Variants in MATN2 observed in about 807,000 individuals in gnomAD.
MATN2 encodes the protein matrilin-2.
A neutral mutation model predicts 103.2 loss-of-function variants in MATN2; 69 were observed. The ratio of observed to expected loss-of-function variants is 0.67; its 90% confidence interval spans 0.55 to 0.82. The LOEUF is 0.82. MATN2 is among the 40% of genes least tolerant of loss of function. MATN2 has a pLI of 0.00. For synonymous variants in MATN2, 429 were observed against 450.2 expected (o/e 0.95, Z 0.60); for missense variants, 1,023 against 1,211.5 (o/e 0.84, Z 2.31).
At position 97,907,316 on chromosome 8, in the gene MATN2, T is replaced by G. The variant is rs1350917861; in HGVS notation, c.142+19074T>G. Among the ~76,000 whole-genome samples, 3 of 145,792 alleles carry G rather than the reference T, an allele frequency of 2.1e-5. No individual in the cohort carries two copies. In the East Asian group the frequency reaches 6.0e-4, roughly 29 times the overall value. ...ATGCCCAGTCATCATAGCTCACTTT[T>G]TTTTTTTTTTTTTGAGATGGAGTCT... On this transcript the variant is annotated intron_variant, in intron 2 of 18. Transcript: ENST00000254898.
rs756280812 is a variant in MATN2 at position 97,961,457 on chromosome 8, G to A, written c.885G>A (p.Val295=). The A allele has an allele frequency of 6.2e-7, 1 of 1,613,894 alleles. No individual in the cohort carries two copies. The highest frequency in any genetic ancestry group is 1.1e-5 in the South Asian group (1 of 91,054). ...MEDHNCEQLC[V]NVPGSFVCQC... Reference sequence around the variant, plus strand: ...ACCACAACTGTGAGCAGCTCTGTGTGAATGTGCCGGGCTCCTTCGTCTGCC... The same window carrying A: ...ACCACAACTGTGAGCAGCTCTGTGTAAATGTGCCGGGCTCCTTCGTCTGCC... The change falls in exon 5 of 19, where the codon GTG becomes GTA. Residue 295 remains valine (V), a synonymous_variant. Transcript: ENST00000254898.
intron 2 of MATN2, among the ~76,000 whole-genome samples, chr8:97,923,537 C>CT (rs1809882589): frequency 5.3e-5 from 1 of 18,694 alleles, no homozygotes; most frequent in Non-Finnish European, 1.4e-4. Context: ...CCACTCACTT[C>CT]TCTCTCTCTC....
Position 97,961,539 on chromosome 8 carries a change from C to T in MATN2, c.958+9C>T. 3.7e-6 allele frequency: 6 copies of T among 1,607,336 alleles called. No individual in the cohort carries two copies. Among genetic ancestry groups the T allele is most frequent in the Non-Finnish European group, 5.1e-6 (6 of 1,176,156 alleles). On this transcript the variant is annotated intron_variant, in intron 5 of 18. Transcript: ENST00000254898. ...TGGGAAGAGGTGTGTGGGTGAGTATCCCTCCAGCTGGGCTTGGTAGGGAAG... is the reference window on the plus strand; with the variant it reads ...TGGGAAGAGGTGTGTGGGTGAGTATTCCTCCAGCTGGGCTTGGTAGGGAAG...
At chr8:97,957,721 G>T (rs896695172) in intron 4 of MATN2, among the ~76,000 whole-genome samples, 8 of 152,214 alleles carry the variant, frequency 5.3e-5, no homozygotes, top group African/African-American at 1.7e-4. Flanking sequence ...TAAAGGGGGA[G>T]ACTGACTCCT....
At chr8:97,965,413 T>C (rs556916870) in intron 5 of MATN2, among the ~76,000 whole-genome samples, 1 of 152,184 alleles carries the variant, frequency 6.6e-6, no homozygotes, top group South Asian at 2.1e-4. Context: ...AGATAGGAGA[T>C]TGTAGCAGTT....
At chr8:97,951,419 A>AG (rs1478581338) in intron 4 of MATN2, among the ~76,000 whole-genome samples, 1 of 152,180 alleles carries the variant, frequency 6.6e-6, no homozygotes, top group Non-Finnish European at 1.5e-5. Context: ...ATGAGGACCC[A>AG]GGCAAGTGGT....
At chr8:97,927,126 GTTTTGTTTTTGTTTTTGT>G (rs10565947) in intron 2 of MATN2, among the ~76,000 whole-genome samples, 1 of 150,594 alleles carries the variant, frequency 6.6e-6, no homozygotes, top group East Asian at 2.0e-4. Context: ...GTTCTGTTTT[GTTTTGTTTTTGTTTTTGT>G]TTTTGTTTTT....
Position 98,021,277 on chromosome 8 carries a change from G to T in MATN2, c.1892G>T (p.Cys631Phe). The T allele has an allele frequency of 6.2e-7, 1 of 1,613,664 alleles. No homozygotes were observed. Among genetic ancestry groups the T allele is most frequent in the Non-Finnish European group, 8.5e-7 (1 of 1,179,640 alleles). The change falls in exon 13 of 19, where the codon TGC becomes TTC. Residue 631 changes from cysteine to phenylalanine, a missense_variant. By Grantham distance (205) the Cys-to-Phe change is radical. Coordinates refer to ENST00000254898, the MANE Select transcript of MATN2 (RefSeq NM_002380.5). ...GTTAATAATGGGAATTCCTACATCTGCAAATGCTCAGAGGGATTTGTTCTA... is the reference window on the plus strand; with the variant it reads ...GTTAATAATGGGAATTCCTACATCTTCAAATGCTCAGAGGGATTTGTTCTA... ...ICVNNGNSYI[C>F]KCSEGFVLAE...
chr8:98,026,012 T>C (rs1813786135), intron 13 of MATN2, among the ~76,000 whole-genome samples: 1 of 151,350 alleles, frequency 6.6e-6, no homozygotes, highest in Admixed American at 6.6e-5. Flanking sequence ...ACCCCGTCTC[T>C]ACTAAAAATA....
intron 2 of MATN2, among the ~76,000 whole-genome samples, chr8:97,907,093 T>C (rs1482247353): frequency 2.0e-5 from 3 of 147,468 alleles, no homozygotes; most frequent in Non-Finnish European, 4.5e-5. Context: ...CTCCATCTCC[T>C]GGGTTCAAGT....
intron 1 of MATN2, among the ~76,000 whole-genome samples, chr8:97,880,064 G>C (rs1044049130): frequency 6.8e-6 from 1 of 147,314 alleles, no homozygotes; most frequent in Non-Finnish European, 1.5e-5. Flanking sequence ...GGAATTTATC[G>C]TTAGAAAAAT....
chr8:97,897,682 G>A (rs948470441), intron 2 of MATN2, among the ~76,000 whole-genome samples: 4 of 152,036 alleles, frequency 2.6e-5, no homozygotes, highest in African/African-American at 4.8e-5. Context: ...AGTGCATCAC[G>A]GGCAGTACAA....
intron 2 of MATN2, among the ~76,000 whole-genome samples, chr8:97,893,721 T>C (rs1301997978): frequency 6.6e-6 from 1 of 152,046 alleles, no homozygotes; most frequent in African/African-American, 2.4e-5. Flanking sequence ...GGATTACAGG[T>C]GCCTGCCACC....
intron 10 of MATN2, among the ~76,000 whole-genome samples, chr8:98,013,578 G>A (rs948983017): frequency 3.9e-5 from 6 of 152,144 alleles, no homozygotes; most frequent in Admixed American, 1.3e-4. Context: ...TCATCTATGG[G>A]GCTAGGAAAA....
chr8:98,024,271 G>A lies in MATN2; in HGVS notation c.1942+2944G>A, dbSNP rs186964846. On this transcript the variant is annotated intron_variant, in intron 13 of 18. Transcript: ENST00000254898. The stretch of plus-strand genomic sequence containing the variant: ...TTTAATCCCGGCACCTTGAGAGGCC[G>A]AAGCGGGCGGATCACCTGAGGTCAG... Among the ~76,000 whole-genome samples, 306 of 152,342 alleles carry A rather than the reference G, an allele frequency of 2.0e-3. 2 individuals are homozygous for A. The highest frequency in any genetic ancestry group is 7.1e-3 in the African/African-American group (296 of 41,582).
chr8:98,021,298 T>C lies in MATN2; in HGVS notation c.1913T>C (p.Val638Ala). The change falls in exon 13 of 19, where the codon GTT (valine) becomes GCT (alanine). Residue 638 changes from valine (V) to alanine (A), a missense_variant. By Grantham distance (64) the Val-to-Ala change is moderately conservative. Transcript: ENST00000254898. The stretch of plus-strand genomic sequence containing the variant: ...ATCTGCAAATGCTCAGAGGGATTTG[T>C]TCTAGCTGAGGACGGAAGACGGTGC... ...SYICKCSEGF[V>A]LAEDGRRCKK... 6.2e-7 allele frequency: 1 copy of C among 1,613,604 alleles called. No individual in the cohort carries two copies. Among genetic ancestry groups the C allele is most frequent in the Non-Finnish European group, 8.5e-7 (1 of 1,179,574 alleles).
intron 2 of MATN2, among the ~76,000 whole-genome samples, chr8:97,906,542 T>C (rs1819176959): frequency 6.6e-6 from 1 of 152,204 alleles, no homozygotes; most frequent in Non-Finnish European, 1.5e-5. Flanking sequence ...GCTAAGCCAT[T>C]GACCAACCAG....
In MATN2 at chr8:98,007,082, CT is replaced by C. The variant is rs1812997063; in HGVS notation, c.1328-20del. The C allele has an allele frequency of 6.3e-7, 1 of 1,591,444 alleles. No homozygotes were observed. Among genetic ancestry groups the C allele is most frequent in the Non-Finnish European group, 8.6e-7 (1 of 1,168,398 alleles). ...GTATTGCCCCCTCGGCTCCTCTATG[CT>C]TTCGCGTGTGTGAAAATGCAGGAGT... On this transcript the variant is annotated intron_variant, in intron 8 of 18. Coordinates refer to ENST00000254898, the MANE Select transcript of MATN2 (RefSeq NM_002380.5). The surrounding 1 kb of genome is among the most constrained non-coding windows in gnomAD (Gnocchi z 4.2).
intron 1 of MATN2, among the ~76,000 whole-genome samples, chr8:97,884,365 C>T (rs914305163): frequency 6.6e-6 from 1 of 151,868 alleles, no homozygotes; most frequent in Non-Finnish European, 1.5e-5. Flanking sequence ...GCCTTGAACT[C>T]CTGACCTCAG....
Sources: gnomAD v4.1 joint callset for allele counts (sites outside exome capture counted in the v4.1 genomes callset) on GRCh38, gnomAD v4.1.1 for gene constraint, Gnocchi (gnomAD v3.1) non-coding constraint, MANE v1.5 for transcripts, NCBI Gene and HGNC (gene_info 2026-07-23, HGNC 2026-07-21) for gene names.